RALYL: variants seen among roughly 807,000 people sequenced by gnomAD.
RALYL encodes the protein RNA-binding Raly-like protein.
RALYL carries 29 observed loss-of-function variants against 35.1 expected under a neutral mutation model. The observed-to-expected ratio is 0.83, with a 90% CI of 0.61 to 1.13. The LOEUF is 1.13. Ranked by LOEUF, RALYL falls within the 50% of genes most tolerant of loss-of-function variation. The pLI is 0.00. For missense variants in RALYL, 359 were observed against 360.4 expected, an observed-to-expected ratio of 1.00 and a Z score of 0.03; for synonymous variants, 120 against 127.6, an observed-to-expected ratio of 0.94 and a Z score of 0.40.
chr8:84,414,264 T>G (rs890833886), intron 1 of RALYL, among the ~76,000 whole-genome samples: 1 of 152,196 alleles, frequency 6.6e-6, no homozygotes, highest in Non-Finnish European at 1.5e-5. Flanking sequence ...TTAACAATAC[T>G]TTGCCATTTT....
chr8:84,332,481 C>A (rs1341906403), intron 1 of RALYL, among the ~76,000 whole-genome samples: 1 of 151,886 alleles, frequency 6.6e-6, no homozygotes, highest in East Asian at 1.9e-4. Context: ...ATTCTCGGAG[C>A]ATGAGAAATG....
chr8:84,311,094 T>TAA (rs1842740499), intron 1 of RALYL, among the ~76,000 whole-genome samples: 1 of 80,762 alleles, frequency 1.2e-5, no homozygotes, highest in African/African-American at 4.7e-5. Context: ...AAAAAAAATG[T>TAA]ATATTAATGT....
At chr8:84,632,084 G>A (rs1824035982) in intron 2 of RALYL, among the ~76,000 whole-genome samples, 1 of 151,696 alleles carries the variant, frequency 6.6e-6, no homozygotes. Context: ...GAGGCCTATT[G>A]AAAGGGGTTA....
intron 1 of RALYL, among the ~76,000 whole-genome samples, chr8:84,527,225 C>G (rs1365017163): frequency 6.6e-6 from 1 of 151,938 alleles, no homozygotes; most frequent in Non-Finnish European, 1.5e-5. Context: ...ACACAGTTGT[C>G]AGTTTGGAGG....
intron 2 of RALYL, among the ~76,000 whole-genome samples, chr8:84,566,234 T>G (rs916568627): frequency 6.6e-6 from 1 of 151,568 alleles, no homozygotes. Context: ...TACAAAAAAA[T>G]TTTAAACTAC....
At chr8:84,636,329 CAT>C (rs1306283093) in intron 2 of RALYL, among the ~76,000 whole-genome samples, 2 of 151,732 alleles carry the variant, frequency 1.3e-5, no homozygotes, top group African/African-American at 4.8e-5. Flanking sequence ...AGAAAAGAAA[CAT>C]ACTTTTCCCC....
chr8:84,785,783 A>G (rs540384683), intron 3 of RALYL, among the ~76,000 whole-genome samples: 61 of 152,340 alleles, frequency 4.0e-4, no homozygotes, highest in African/African-American at 1.3e-3. Flanking sequence ...AAATGTTCAC[A>G]AAGTGTTAAT....
At chr8:84,368,055 C>T (rs571307468) in intron 1 of RALYL, among the ~76,000 whole-genome samples, 1 of 152,304 alleles carries the variant, frequency 6.6e-6, no homozygotes, top group Non-Finnish European at 1.5e-5. Flanking sequence ...TACCACTGTA[C>T]TTCAACAAGT....
chr8:84,584,749 C>A (rs946491632), intron 2 of RALYL, among the ~76,000 whole-genome samples: 2 of 152,046 alleles, frequency 1.3e-5, no homozygotes, highest in South Asian at 2.1e-4. Flanking sequence ...CATGCAGAAA[C>A]AACAGAAACT....
At chr8:84,229,071 G>A (rs577913685) in intron 1 of RALYL, among the ~76,000 whole-genome samples, 8 of 152,248 alleles carry the variant, frequency 5.3e-5, no homozygotes, top group African/African-American at 7.2e-5. Context: ...GCTTTTTATG[G>A]AATTTCATCT....
At chr8:84,916,636 G>C (rs1483634834) in intron 8 of RALYL, among the ~76,000 whole-genome samples, 1 of 152,000 alleles carries the variant, frequency 6.6e-6, no homozygotes, top group Non-Finnish European at 1.5e-5. Flanking sequence ...CAGCCACGTG[G>C]AACTGTAAAT....
chr8:84,675,644 C>A (rs1036827112), intron 2 of RALYL, among the ~76,000 whole-genome samples: 1 of 152,028 alleles, frequency 6.6e-6, no homozygotes, highest in African/African-American at 2.4e-5. Context: ...GAAAGGCCAA[C>A]TTTGTTTCTC....
intron 1 of RALYL, among the ~76,000 whole-genome samples, chr8:84,490,748 A>G (rs2055196051): frequency 6.6e-6 from 1 of 151,068 alleles, no homozygotes; most frequent in African/African-American, 2.4e-5. Flanking sequence ...TAAGTTTTTG[A>G]TTGAGGGTGA....
intron 6 of RALYL, chr8:84,864,784 C>T: frequency 1.6e-6 from 1 of 610,300 alleles, no homozygotes; most frequent in South Asian, 1.5e-5. Flanking sequence ...GGGCCTGCTC[C>T]AAGCCAGCCC....
intron 7 of RALYL, among the ~76,000 whole-genome samples, chr8:84,876,706 A>G (rs201501806): frequency 3.9e-5 from 2 of 50,980 alleles, no homozygotes; most frequent in Non-Finnish European, 6.1e-5. Context: ...TTTTATTCTC[A>G]CTGTTATTCC....
intron 8 of RALYL, among the ~76,000 whole-genome samples, chr8:84,913,448 G>A (rs1847917285): frequency 1.3e-5 from 2 of 151,908 alleles, no homozygotes; most frequent in African/African-American, 2.4e-5. Context: ...ATGCTCTAAT[G>A]TTTTATTTAT....
At chr8:84,605,736 C>A (rs907504375) in intron 2 of RALYL, among the ~76,000 whole-genome samples, 3 of 152,262 alleles carry the variant, frequency 2.0e-5, no homozygotes, top group Middle Eastern at 3.4e-3. Flanking sequence ...TTTCTCCCTC[C>A]CTATTGTGTT....
At chr8:84,847,893 C>T (rs1834996405) in intron 4 of RALYL, among the ~76,000 whole-genome samples, 1 of 152,096 alleles carries the variant, frequency 6.6e-6, no homozygotes, top group African/African-American at 2.4e-5. Flanking sequence ...CAGACTTTAC[C>T]TTCATGGATT....
intron 1 of RALYL, among the ~76,000 whole-genome samples, chr8:84,327,397 T>C (rs1481074445): frequency 2.0e-5 from 3 of 151,926 alleles, no homozygotes; most frequent in Non-Finnish European, 4.4e-5. Context: ...GCAGAGGGAA[T>C]GTGGGAGGAG....
Sources: gnomAD v4.1 joint callset for allele counts (sites outside exome capture counted in the v4.1 genomes callset) on GRCh38, gnomAD v4.1.1 for gene constraint, MANE v1.5 for transcripts, NCBI Gene and HGNC (gene_info 2026-07-23, HGNC 2026-07-21) for gene names.